The following DEPDC5 variants were observed in gnomAD, a reference collection of about 807,000 sequenced individuals.
DEPDC5 encodes DEP domain containing 5, GATOR1 subcomplex subunit.
In DEPDC5, 73 loss-of-function variants were observed where a neutral mutation model predicts 217.3. That is an observed-to-expected ratio of 0.34 (90% CI 0.28 to 0.41). DEPDC5 has a LOEUF of 0.41. DEPDC5 is among the 10% of genes least tolerant of loss of function. DEPDC5 has a pLI of 1.00. For missense variants in DEPDC5, 1,675 were observed against 2,070.1 expected (o/e 0.81, Z 3.70); for synonymous variants, 733 against 756.7 (o/e 0.97, Z 0.51).
chr22:31,837,251 C>T (rs1363256596), intron 26 of DEPDC5, 96 bp downstream of exon 26: 4 of 1,319,992 alleles, frequency 3.0e-6, no homozygotes, highest in Non-Finnish European at 4.2e-6. Context: ...CTGGCTTCAG[C>T]AACACATATA....
rs1030912687 is a variant in DEPDC5 at position 31,765,148 on chromosome 22, AGT to A, written c.279+91_279+92del. ...TACTAAGGAAACAATGGGTTACTTAAGTGTAGTGTTAGCCTATTAAATGTGTG... is the reference window on the plus strand; with the variant it reads ...TACTAAGGAAACAATGGGTTACTTAAGTAGTGTTAGCCTATTAAATGTGTG... On this transcript the variant is annotated intron_variant, in intron 5 of 42. Coordinates refer to ENST00000651528, the MANE Select transcript of DEPDC5 (RefSeq NM_001242896.3). The A allele has an allele frequency of 4.6e-5, 48 of 1,043,320 alleles. No homozygotes were observed. In the African/African-American group the frequency reaches 7.4e-4, roughly 16 times the overall value. 64.6% of individuals were successfully genotyped at this position (1,043,320 alleles called of 1,614,324 possible). A position where few individuals can be genotyped will look rare whatever the true frequency, so the allele number is the denominator to read the frequency against.
chr22:31,865,995 G>T (rs115971705), intron 33 of DEPDC5, among the ~76,000 whole-genome samples: 5,576 of 152,202 alleles, frequency 0.037, 100 homozygotes, highest in African/African-American at 0.048. Flanking sequence ...CAGCCTCCAG[G>T]CACAGTGGAG....
intron 38 of DEPDC5, among the ~76,000 whole-genome samples, chr22:31,884,394 A>G (rs535322600): frequency 2.6e-5 from 4 of 152,278 alleles, no homozygotes; most frequent in East Asian, 1.9e-4. Flanking sequence ...GTTTCTGTCT[A>G]TTCCCTCCGC....
chr22:31,862,569 A>T (rs1416617806), intron 33 of DEPDC5, among the ~76,000 whole-genome samples: 1 of 152,242 alleles, frequency 6.6e-6, no homozygotes, highest in Non-Finnish European at 1.5e-5. Flanking sequence ...ATCTCAAAAA[A>T]AATAATAATA....
At chr22:31,806,696 G>A (rs1198258427) in intron 18 of DEPDC5, among the ~76,000 whole-genome samples, 1 of 152,206 alleles carries the variant, frequency 6.6e-6, no homozygotes, top group Admixed American at 6.5e-5. Flanking sequence ...AAAAAGGTCA[G>A]ATCTTAGTAT....
intron 23 of DEPDC5, among the ~76,000 whole-genome samples, chr22:31,822,315 T>C (rs1452701953): frequency 3.9e-5 from 6 of 152,152 alleles, no homozygotes; most frequent in Admixed American, 2.6e-4. Context: ...ATAAGGGATA[T>C]GGGGAGGGCG....
At chr22:31,902,466 A>G (rs1170814228) in intron 41 of DEPDC5, among the ~76,000 whole-genome samples, 1 of 148,054 alleles carries the variant, frequency 6.8e-6, no homozygotes, top group Admixed American at 6.8e-5. Context: ...CCACAGGACT[A>G]TTTAGCCTCT....
chr22:31,771,635 G>A (rs1256660854), intron 7 of DEPDC5, among the ~76,000 whole-genome samples: 4 of 150,872 alleles, frequency 2.7e-5, no homozygotes, highest in South Asian at 2.1e-4. Context: ...CAGGAGAATC[G>A]CTTGAACCAG....
chr22:31,871,056 A>G lies in DEPDC5; in HGVS notation c.3485+312A>G, dbSNP rs136866. Among the ~76,000 whole-genome samples the G allele has an allele frequency of 0.8, 121,560 of 152,200 alleles. 49,386 individuals carry two copies. Among genetic ancestry groups the G allele is most frequent in the African/African-American group, 0.95 (39,482 of 41,568 alleles). On this transcript the variant is annotated intron_variant, in intron 34 of 42. Transcript: ENST00000651528. ...TTGTTCACTGTGGTGCCTGTGGCAC[A>G]ATGTCTTGCACGTCATAGCATGCTG...
At chr22:31,835,096 C>T (rs1414574089) in intron 25 of DEPDC5, among the ~76,000 whole-genome samples, 1 of 152,082 alleles carries the variant, frequency 6.6e-6, no homozygotes, top group Non-Finnish European at 1.5e-5. Flanking sequence ...AGTTTGAGAC[C>T]AGCCCGGGCA....
intron 30 of DEPDC5, 105 bp downstream of exon 30, chr22:31,845,342 G>A (rs2091665839): frequency 7.2e-7 from 1 of 1,392,994 alleles, no homozygotes. Context: ...TTACTCCTCA[G>A]CTGCCCAGTG....
intron 24 of DEPDC5, among the ~76,000 whole-genome samples, chr22:31,833,116 G>A (rs543369630): frequency 1.2e-4 from 18 of 152,282 alleles, no homozygotes; most frequent in Admixed American, 5.9e-4. Context: ...AGGCTGGGGA[G>A]CAGTGGAGTG....
intron 4 of DEPDC5, 99 bp from the exon 5 acceptor site, chr22:31,764,876 C>A: frequency 1.2e-6 from 1 of 827,106 alleles, no homozygotes; most frequent in South Asian, 1.5e-5. Flanking sequence ...GTCAGATGAT[C>A]AATTGTGTTG....
intron 37 of DEPDC5, among the ~76,000 whole-genome samples, chr22:31,878,870 C>A (rs995281272): frequency 4.6e-5 from 7 of 151,434 alleles, no homozygotes; most frequent in Non-Finnish European, 1.0e-4. Flanking sequence ...GAAATCCCGT[C>A]TACTAAAAAT....
intron 29 of DEPDC5, chr22:31,844,702 CTTTTTTTTTT>C (rs136860): frequency 1.1e-4 from 15 of 131,736 alleles, no homozygotes; most frequent in Non-Finnish European, 1.6e-4. Flanking sequence ...CTTCAGAGCT[CTTTTTTTTTT>C]TTTTTTTTTT....
At position 31,893,579 on chromosome 22, in the gene DEPDC5, T is replaced by C; in HGVS notation, c.4034-3T>C. ...TTGGGGCCCCTCCTGTGTGCTGACA[T>C]AGCTGCCACTGTCCCAGAGCAGAGG... On this transcript the variant is annotated splice_polypyrimidine_tract_variant and splice_region_variant and intron_variant, in intron 38 of 42. Transcript: ENST00000651528. The C allele has an allele frequency of 6.3e-7, 1 of 1,586,254 alleles. No homozygotes were observed. Among genetic ancestry groups the C allele is most frequent in the East Asian group, 2.3e-5 (1 of 43,126 alleles).
At chr22:31,779,778 A>G (rs1379377727) in intron 8 of DEPDC5, among the ~76,000 whole-genome samples, 1 of 152,166 alleles carries the variant, frequency 6.6e-6, no homozygotes, top group South Asian at 2.1e-4. Flanking sequence ...TGTCACTATT[A>G]TTGGCGTCCT....
At chr22:31,887,008 G>A (rs980661390) in intron 38 of DEPDC5, among the ~76,000 whole-genome samples, 5 of 151,464 alleles carry the variant, frequency 3.3e-5, no homozygotes, top group African/African-American at 4.9e-5. Context: ...GCTTGAACCC[G>A]GGAGGTGGAG....
At chr22:31,814,230 T>C (rs1284072259) in intron 20 of DEPDC5, 1 of 152,190 alleles carries the variant, frequency 6.6e-6, no homozygotes, top group Non-Finnish European at 1.5e-5. Context: ...TTACATGTTA[T>C]TTATTTATTT....
Sources: gnomAD v4.1 joint callset for allele counts (sites outside exome capture counted in the v4.1 genomes callset) on GRCh38, gnomAD v4.1.1 for gene constraint, MANE v1.5 for transcripts, NCBI Gene and HGNC (gene_info 2026-07-23, HGNC 2026-07-21) for gene names.